Variants in RAB6B observed in about 807,000 individuals in gnomAD.
RAB6B encodes ras-related protein Rab-6B.
Under a neutral mutation model 31.2 loss-of-function variants are expected in RAB6B, and 7 were observed. That is an observed-to-expected ratio of 0.22 (90% CI 0.13 to 0.42). The LOEUF (loss-of-function observed/expected upper bound fraction) is 0.42, where lower values mean the gene tolerates loss of function less well. Ranked by LOEUF, RAB6B falls within the 10% of genes least tolerant of loss-of-function variation. RAB6B has a pLI of 1.00. For synonymous variants in RAB6B, 105 were observed against 104.9 expected, an observed-to-expected ratio of 1.00 and a Z score of -0.01; for missense variants, 149 against 280.6, an observed-to-expected ratio of 0.53 and a Z score of 3.35.
chr3:133,838,536 C>T (rs1034078644), intron 5 of RAB6B, among the ~76,000 whole-genome samples: 4 of 152,198 alleles, frequency 2.6e-5, no homozygotes, highest in African/African-American at 9.7e-5. Flanking sequence ...CTGCCCCATA[C>T]CTGCCTTTCC....
rs532579790 is a variant in RAB6B, at chr3:133,857,768, G to A, written c.129+6816C>T. The stretch of plus-strand genomic sequence containing the variant: ...TGGACTCTTCCTTTTTCTTTGTATT[G>A]ATGGCACTGATATTCTTCCAGCATT... On this transcript the variant is annotated intron_variant, in intron 2 of 7. Coordinates refer to ENST00000285208, the MANE Select transcript of RAB6B (RefSeq NM_016577.4). 7.2e-5 allele frequency among the ~76,000 whole-genome samples: 11 copies of A among 152,224 alleles called. No individual in the cohort carries two copies. In the East Asian group the frequency reaches 2.1e-3, roughly 29 times the overall value.
At chr3:133,838,302 C>T in intron 5 of RAB6B, 43 bp from the exon 6 acceptor site, 1 of 1,563,028 alleles carries the variant, frequency 6.4e-7, no homozygotes, top group South Asian at 1.1e-5. Flanking sequence ...AGCAGAGAAG[C>T]AGACCCTGGC....
At chr3:133,883,037 C>T (rs370802381) in intron 1 of RAB6B, among the ~76,000 whole-genome samples, 26 of 152,258 alleles carry the variant, frequency 1.7e-4, no homozygotes, top group Admixed American at 5.9e-4. Flanking sequence ...GGTTTCTCCC[C>T]CAAAAGAAAC....
chr3:133,894,464 G>A (rs1007815220), intron 1 of RAB6B: 1 of 152,436 alleles, frequency 6.6e-6, no homozygotes, highest in Non-Finnish European at 1.5e-5. Flanking sequence ...CCCCAGCTCT[G>A]GCCGACTGCC....
intron 1 of RAB6B, among the ~76,000 whole-genome samples, chr3:133,891,226 T>G (rs369218558): frequency 1.3e-5 from 2 of 152,152 alleles, no homozygotes; most frequent in African/African-American, 4.8e-5. Flanking sequence ...CACAGAGGAA[T>G]GGGCTGAAAG....
chr3:133,827,746 A>ACTCCCCC lies in RAB6B; in HGVS notation c.*1041_*1042insGGGGGAG. 2.8e-5 allele frequency: 2 copies of ACTCCCCC among 72,114 alleles called. No homozygotes were observed. Among genetic ancestry groups the ACTCCCCC allele is most frequent in the Non-Finnish European group, 5.5e-5 (2 of 36,596 alleles). The allele number at this position is 72,114 out of a possible 1,614,324, so 4.5% of individuals were successfully genotyped here. A position where few individuals can be genotyped will look rare whatever the true frequency, so the allele number is the denominator to read the frequency against. ...TCAAGGTGGTGGTTCTGCAGACAACACCCCCCCCCCCCCCCGCCTCCCCAT... is the reference window on the plus strand; with the variant it reads ...TCAAGGTGGTGGTTCTGCAGACAACACTCCCCCCCCCCCCCCCCCCCCGCCTCCCCAT... On this transcript the variant is annotated 3_prime_UTR_variant, in exon 8 of 8. Coordinates refer to ENST00000285208, the MANE Select transcript of RAB6B (RefSeq NM_016577.4).
intron 1 of RAB6B, among the ~76,000 whole-genome samples, chr3:133,883,962 C>G (rs138517276): frequency 3.3e-5 from 5 of 152,290 alleles, no homozygotes; most frequent in African/African-American, 1.2e-4. Context: ...TGTGGCCCAG[C>G]CTTCCAAACC....
intron 1 of RAB6B, among the ~76,000 whole-genome samples, chr3:133,893,482 G>A (rs1449000948): frequency 6.6e-6 from 1 of 152,148 alleles, no homozygotes; most frequent in Non-Finnish European, 1.5e-5. Context: ...GAGCCCAGCA[G>A]GGGCCTCCGT....
intron 1 of RAB6B, among the ~76,000 whole-genome samples, chr3:133,887,128 C>A (rs556170537): frequency 6.6e-6 from 1 of 152,182 alleles, no homozygotes; most frequent in South Asian, 2.1e-4. Context: ...TCCCAGCTTA[C>A]CCCTCCCACC....
chr3:133,869,471 C>T (rs985422084), intron 1 of RAB6B, among the ~76,000 whole-genome samples: 22 of 152,346 alleles, frequency 1.4e-4, no homozygotes, highest in African/African-American at 5.0e-4. Flanking sequence ...CATGGATTCT[C>T]GCCCAAGGGC....
intron 1 of RAB6B, among the ~76,000 whole-genome samples, chr3:133,879,956 C>T (rs1013922836): frequency 6.6e-5 from 10 of 152,200 alleles, no homozygotes; most frequent in African/African-American, 2.4e-4. Context: ...CTGAAGCAGG[C>T]AGAATACAGT....
At chr3:133,872,557 C>T (rs1212322192) in intron 1 of RAB6B, among the ~76,000 whole-genome samples, 3 of 152,180 alleles carry the variant, frequency 2.0e-5, no homozygotes, top group African/African-American at 7.2e-5. Flanking sequence ...ACAGAAAGTC[C>T]AGCCCTATTC....
At chr3:133,833,161 A>G (rs899020286) in intron 7 of RAB6B, among the ~76,000 whole-genome samples, 1 of 152,022 alleles carries the variant, frequency 6.6e-6, no homozygotes, top group African/African-American at 2.4e-5. Context: ...TGGCTTCTGT[A>G]TGTTCCTGGA....
chr3:133,863,081 G>A (rs1423096618), intron 2 of RAB6B, among the ~76,000 whole-genome samples: 8 of 152,158 alleles, frequency 5.3e-5, no homozygotes, highest in Non-Finnish European at 8.8e-5. Context: ...ACAAAGCCCT[G>A]GCCCAGAGAG....
intron 2 of RAB6B, among the ~76,000 whole-genome samples, chr3:133,845,164 GA>G (rs1334567846): frequency 1.3e-5 from 2 of 152,196 alleles, no homozygotes; most frequent in Non-Finnish European, 2.9e-5. Flanking sequence ...AGAGGACTCA[GA>G]GAAAACCAAA....
At chr3:133,834,457 G>A (rs1049012784) in intron 7 of RAB6B, 118 bp downstream of exon 7, 9 of 1,142,482 alleles carry the variant, frequency 7.9e-6, no homozygotes, top group East Asian at 2.3e-5. Context: ...TGCCATTCGC[G>A]GCAGACCAGG....
intron 1 of RAB6B, among the ~76,000 whole-genome samples, chr3:133,884,338 G>C (rs998400951): frequency 6.6e-6 from 1 of 152,208 alleles, no homozygotes; most frequent in Non-Finnish European, 1.5e-5. Flanking sequence ...ACCTGAACAG[G>C]CTGCCTTCTC....
rs996194017 is a variant in RAB6B at position 133,827,422 on chromosome 3, A to G, written c.*1366T>C. ...ATTTGGAATGCTGGCCAAGTAGGTTATATCACTTAGTGGGAAGAGAGAGTT... is the reference window on the plus strand; with the variant it reads ...ATTTGGAATGCTGGCCAAGTAGGTTGTATCACTTAGTGGGAAGAGAGAGTT... On this transcript the variant is annotated 3_prime_UTR_variant, in exon 8 of 8. Coordinates refer to ENST00000285208, the MANE Select transcript of RAB6B (RefSeq NM_016577.4). 1 of 156,502 alleles carries G rather than the reference A, an allele frequency of 6.4e-6. No individual in the cohort carries two copies. The highest frequency in any genetic ancestry group is 2.4e-5 in the African/African-American group (1 of 41,510). 9.7% of individuals were successfully genotyped at this position (156,502 alleles called of 1,614,324 possible).
chr3:133,834,677 C>G lies in RAB6B; in HGVS notation c.496-36G>C, dbSNP rs375821463. 57 of 1,591,916 alleles carry G rather than the reference C, an allele frequency of 3.6e-5. No individual in the cohort carries two copies. The Middle Eastern group carries it at 1.0e-3, about 28-fold the overall frequency. On this transcript the variant is annotated intron_variant, in intron 6 of 7. Transcript: ENST00000285208. ...GAAGAAATGCAGTGTGAACCCCAAC[C>G]CTGGCCCTCCCCTCTGCTCCTCACT...
Sources: gnomAD v4.1 joint callset for allele counts (sites outside exome capture counted in the v4.1 genomes callset) on GRCh38, gnomAD v4.1.1 for gene constraint, MANE v1.5 for transcripts, NCBI Gene and HGNC (gene_info 2026-07-23, HGNC 2026-07-21) for gene names.